Variants in MYL1 observed in about 807,000 individuals in gnomAD.
MYL1 encodes the protein myosin light chain 1, also known as myosin light chain 1/3, skeletal muscle isoform.
Under a neutral mutation model 21.8 loss-of-function variants are expected in MYL1, and 16 were observed. The ratio of observed to expected loss-of-function variants is 0.74; its 90% CI spans 0.50 to 1.12. MYL1 has a LOEUF of 1.12. Ranked by LOEUF, MYL1 falls within the 50% of genes most tolerant of loss-of-function variation. MYL1 has a pLI of 0.00. For synonymous variants in MYL1, 99 were observed against 85.2 expected (o/e 1.16, Z -0.89); for missense variants, 246 against 241.0 (o/e 1.02, Z -0.14).
chr2:210,298,248 A>G (rs1690206394), intron 3 of MYL1, among the ~76,000 whole-genome samples, 172 bp downstream of exon 3: 2 of 151,954 alleles, frequency 1.3e-5, no homozygotes, highest in Non-Finnish European at 1.5e-5. Flanking sequence ...ACTTACCACA[A>G]TCAAGAATAA....
chr2:210,300,877 C>T (rs1281150354), intron 2 of MYL1, among the ~76,000 whole-genome samples: 1 of 152,002 alleles, frequency 6.6e-6, no homozygotes, highest in Non-Finnish European at 1.5e-5. Flanking sequence ...AACCACTAAA[C>T]AAGGAAACAA....
intron 1 of MYL1, among the ~76,000 whole-genome samples, chr2:210,311,480 T>G (rs1690419425): frequency 6.6e-6 from 1 of 152,072 alleles, no homozygotes; most frequent in Non-Finnish European, 1.5e-5. Flanking sequence ...TACCACGTTT[T>G]ATAATATCGC....
Position 210,310,505 on chromosome 2 carries a change from C to T in MYL1, c.132+4406G>A, listed in dbSNP as rs116627496. Among the ~76,000 whole-genome samples the T allele has an allele frequency of 4.3e-3, 655 of 151,906 alleles. 7 individuals are homozygous for T. The highest frequency in any genetic ancestry group is 0.015 in the African/African-American group (621 of 41,464). On this transcript the variant is annotated intron_variant, in intron 1 of 6. Transcript: ENST00000352451. ...GTATGTGTGTTTAATTAAACAAAAC[C>T]AAAATTACTAAAAAAACTCAGTTTC...
At chr2:210,295,936 T>C (rs1030527950) in intron 3 of MYL1, among the ~76,000 whole-genome samples, 1 of 152,210 alleles carries the variant, frequency 6.6e-6, no homozygotes, top group African/African-American at 2.4e-5. Flanking sequence ...ATTGGAAATT[T>C]CCTTCCAAAG....
Position 210,315,081 on chromosome 2 carries a change from T to C in MYL1, c.-39A>G. 6.3e-7 allele frequency: 1 copy of C among 1,584,474 alleles called. No homozygotes were observed. On this transcript the variant is annotated 5_prime_UTR_variant, in exon 1 of 7. Transcript: ENST00000352451. ...AGGGTGGGTTAAAAAGAGAAGGAGT[T>C]CCTCCAAAAGAACCTGTCAAAATGA...
chr2:210,312,490 T>A (rs1175568555), intron 1 of MYL1, among the ~76,000 whole-genome samples: 2 of 151,926 alleles, frequency 1.3e-5, no homozygotes, highest in African/African-American at 2.4e-5. Flanking sequence ...TGTTTTAATG[T>A]ATGTTTTAAT....
At chr2:210,295,132 T>C (rs1242716791) in intron 3 of MYL1, among the ~76,000 whole-genome samples, 2 of 152,134 alleles carry the variant, frequency 1.3e-5, no homozygotes, top group African/African-American at 4.8e-5. Context: ...TTTTATACTA[T>C]CCAGTTGTAT....
At position 210,291,083 on chromosome 2, in the gene MYL1, G is replaced by A. The variant is rs1690067966; in HGVS notation, c.557-9C>T. The stretch of plus-strand genomic sequence containing the variant: ...GATGTGCTTGACAAAAGCTGTAGGA[G>A]CAAAATAGACAAAATAGACAATTTA... On this transcript the variant is annotated splice_polypyrimidine_tract_variant and intron_variant, in intron 5 of 6. Transcript: ENST00000352451. The A allele has an allele frequency of 6.2e-7, 1 of 1,608,142 alleles. No individual in the cohort carries two copies. The highest frequency in any genetic ancestry group is 8.5e-7 in the Non-Finnish European group (1 of 1,175,178).
At chr2:210,310,299 G>A (rs1690400083) in intron 1 of MYL1, among the ~76,000 whole-genome samples, 1 of 152,056 alleles carries the variant, frequency 6.6e-6, no homozygotes, top group Non-Finnish European at 1.5e-5. Flanking sequence ...TTTACTCAGA[G>A]TAGTTAGGGT....
In MYL1 at chr2:210,314,937, C is replaced by A; in HGVS notation, c.106G>T (p.Glu36Ter). The stretch of plus-strand genomic sequence containing the variant: ...TTAATGGCAGAGAGGTCAATTTTTT[C>A]TTCTTTGGGTTTGGCTGGGGCAGGG... ...PAPAPAKPKEEKIDLSAIKIE... is the reference protein window; with the variant it reads ...PAPAPAKPKE Residue 36 changes from glutamate (E) to a stop codon, truncating the protein, a stop_gained, in exon 1 of 7, where the codon GAA becomes TAA. Transcript: ENST00000352451. LOFTEE classifies it high-confidence loss of function. The A allele has an allele frequency of 6.2e-7, 1 of 1,613,646 alleles. No individual in the cohort carries two copies.
chr2:210,298,068 G>A (rs534050768), intron 3 of MYL1, among the ~76,000 whole-genome samples: 7 of 151,988 alleles, frequency 4.6e-5, no homozygotes, highest in Admixed American at 3.3e-4. Context: ...CATTACATTA[G>A]CCTTTAATTA....
intron 3 of MYL1, among the ~76,000 whole-genome samples, chr2:210,297,649 A>G (rs1020911651): frequency 5.3e-5 from 8 of 152,026 alleles, no homozygotes; most frequent in Non-Finnish European, 1.0e-4. Context: ...ATACTTTTCA[A>G]TAAAACCATT....
Position 210,314,897 on chromosome 2 carries a change from A to G in MYL1, c.132+14T>C, listed in dbSNP as rs1041102294. On this transcript the variant is annotated intron_variant, in intron 1 of 6. Coordinates refer to ENST00000352451, the MANE Select transcript of MYL1 (RefSeq NM_079420.3). ...AGATGTTTCAGTGACCAAACAGTTC[A>G]TCCATTTAGTTACCTTAATGGCAGA... 11 of 1,613,642 alleles carry G rather than the reference A, an allele frequency of 6.8e-6. No individual in the cohort carries two copies. Among genetic ancestry groups the G allele is most frequent in the Non-Finnish European group, 8.5e-6 (10 of 1,179,742 alleles).
intron 5 of MYL1, among the ~76,000 whole-genome samples, chr2:210,292,422 A>G (rs936614685): frequency 6.6e-6 from 1 of 152,122 alleles, no homozygotes; most frequent in Non-Finnish European, 1.5e-5. Context: ...GTAGTTTGTC[A>G]TCTTATTTTA....
At chr2:210,310,681 A>G (rs568615220) in intron 1 of MYL1, among the ~76,000 whole-genome samples, 96 of 152,160 alleles carry the variant, frequency 6.3e-4, no homozygotes, top group Non-Finnish European at 1.1e-3. Flanking sequence ...GTGCTAAGAT[A>G]GGGAAAAGCT....
intron 5 of MYL1, among the ~76,000 whole-genome samples, chr2:210,292,794 G>T (rs1405806557): frequency 6.6e-6 from 1 of 152,014 alleles, no homozygotes; most frequent in Admixed American, 6.6e-5. Flanking sequence ...ATTTGTCTTG[G>T]CATAAAATTC....
At chr2:210,290,908 T>G (rs1690065284) in intron 6 of MYL1, 124 bp downstream of exon 6, 1 of 517,594 alleles carries the variant, frequency 1.9e-6, no homozygotes, top group Non-Finnish European at 3.3e-6. Flanking sequence ...TATTTTCTAA[T>G]TAATATAAAT....
At chr2:210,301,216 AT>A (rs1299531179) in intron 2 of MYL1, among the ~76,000 whole-genome samples, 2 of 152,140 alleles carry the variant, frequency 1.3e-5, no homozygotes, top group African/African-American at 4.8e-5. Flanking sequence ...CAAACAAATT[AT>A]GGTAGAATCA....
chr2:210,297,634 C>T (rs1208141879), intron 3 of MYL1, among the ~76,000 whole-genome samples: 1 of 151,726 alleles, frequency 6.6e-6, no homozygotes, highest in Non-Finnish European at 1.5e-5. Flanking sequence ...TTCCATTAGA[C>T]TATTATACTT....
Sources: allele counts gnomAD v4.1 joint callset (sites outside exome capture counted in the v4.1 genomes callset), GRCh38; gene constraint gnomAD v4.1.1; transcripts MANE v1.5; gene names NCBI Gene and HGNC (gene_info 2026-07-23, HGNC 2026-07-21).